Variants in TSKS observed in about 807,000 individuals in gnomAD.
TSKS encodes testis specific serine kinase substrate.
Under a neutral mutation model 68.0 loss-of-function variants are expected in TSKS, and 27 were observed. That is an observed-to-expected ratio of 0.40 (90% CI 0.29 to 0.55). The LOEUF (loss-of-function observed/expected upper bound fraction) is 0.55, where lower values mean the gene tolerates loss of function less well. Ranked by LOEUF, TSKS falls within the 20% of genes least tolerant of loss-of-function variation. The pLI, the probability that TSKS is intolerant of heterozygous loss-of-function variation, is 0.53. For synonymous variants in TSKS, 331 were observed against 340.4 expected (o/e 0.97, Z 0.30); for missense variants, 806 against 776.0 (o/e 1.04, Z -0.46).
chr19:49,753,275 A>G (rs1038099654), intron 2 of TSKS, among the ~76,000 whole-genome samples: 6 of 152,080 alleles, frequency 3.9e-5, no homozygotes, highest in African/African-American at 1.4e-4. Flanking sequence ...AAATAGTAAT[A>G]AAATAGGCCG....
rs539115443 is a variant in TSKS at position 49,751,834 on chromosome 19, A to G, written c.400-3365T>C. Among the ~76,000 whole-genome samples, 3 of 141,986 alleles carry G rather than the reference A, an allele frequency of 2.1e-5. No homozygotes were observed. In the East Asian group the frequency reaches 6.6e-4, roughly 31 times the overall value. The allele number at this position is 141,986 out of a possible 152,430, so 93.1% of individuals were successfully genotyped here. A position where few individuals can be genotyped will look rare whatever the true frequency, so the allele number is the denominator to read the frequency against. ...TCCCAGCACTTTGGGAGGCTGAGGC[A>G]GGAGGTTCACTTGAGCTCAGGAGTT... On this transcript the variant is annotated intron_variant, in intron 2 of 10. Coordinates refer to ENST00000246801, the MANE Select transcript of TSKS (RefSeq NM_021733.2).
chr19:49,740,540 A>G (rs1364450402), intron 9 of TSKS, among the ~76,000 whole-genome samples: 1 of 152,174 alleles, frequency 6.6e-6, no homozygotes, highest in South Asian at 2.1e-4. Context: ...CCTACATTCC[A>G]TAATTTGGAA....
chr19:49,745,854 C>G (rs933822313), intron 6 of TSKS, among the ~76,000 whole-genome samples: 3 of 152,220 alleles, frequency 2.0e-5, no homozygotes, highest in Non-Finnish European at 4.4e-5. Context: ...GGCACTCCCT[C>G]CTCTGCTCTT....
In TSKS at chr19:49,759,330, G is replaced by A. The variant is rs192689010; in HGVS notation, c.399+2674C>T. On this transcript the variant is annotated intron_variant, in intron 2 of 10. Transcript: ENST00000246801. ...CTAAAAATACAAAAATTAGCCGGGC[G>A]TGGTGGCACACACCTGTAGTCCCAG... 3.2e-3 allele frequency among the ~76,000 whole-genome samples: 484 copies of A among 151,792 alleles called. 11 individuals carry two copies. The highest frequency in any genetic ancestry group is 0.022 in the Admixed American group (343 of 15,264).
At chr19:49,747,235 C>A in intron 5 of TSKS, 154 bp downstream of exon 5, 3 of 1,544,578 alleles carry the variant, frequency 1.9e-6, no homozygotes, top group Non-Finnish European at 2.6e-6. Flanking sequence ...TCATTTGAAT[C>A]CCTCTTATCA....
In TSKS at chr19:49,744,272, G is replaced by A. The variant is rs1250586863; in HGVS notation, c.1320C>T (p.Asn440=). 6.2e-7 allele frequency: 1 copy of A among 1,614,072 alleles called. No individual in the cohort carries two copies. The highest frequency in any genetic ancestry group is 1.3e-5 in the African/African-American group (1 of 75,042). ...AGTTGCCTTGGTGGGACCGATCCAG[G>A]TTCATGGAGAGGTCAGGCCCTCTTC... ...NSRRGPDLSM[N]LDRSHQGNCA... Residue 440 remains asparagine, a synonymous_variant, in exon 8 of 11, where the codon AAC becomes AAT. Transcript: ENST00000246801.
In TSKS at chr19:49,745,183, C is replaced by T. The variant is rs769796948; in HGVS notation, c.1187+19G>A. Reference sequence around the variant, plus strand: ...CCCTGCCCCTTCCGGTCTTCCCATGCACTGGCCCCAATCCTCACATGGTGC... The same window carrying T: ...CCCTGCCCCTTCCGGTCTTCCCATGTACTGGCCCCAATCCTCACATGGTGC... On this transcript the variant is annotated intron_variant, in intron 7 of 10. Coordinates refer to ENST00000246801, the MANE Select transcript of TSKS (RefSeq NM_021733.2). 11 of 1,560,290 alleles carry T rather than the reference C, an allele frequency of 7.0e-6. No homozygotes were observed. Among genetic ancestry groups the T allele is most frequent in the African/African-American group, 4.1e-5 (3 of 73,906 alleles).
intron 6 of TSKS, 95 bp from the exon 7 acceptor site, chr19:49,745,491 G>A (rs993011331): frequency 2.0e-5 from 22 of 1,078,120 alleles, no homozygotes; most frequent in African/African-American, 6.4e-5. Flanking sequence ...CACCTATCTC[G>A]CCCCACTGAG....
chr19:49,747,234 T>C, intron 5 of TSKS, 155 bp downstream of exon 5: 2 of 1,544,338 alleles, frequency 1.3e-6, no homozygotes, highest in South Asian at 1.2e-5. Flanking sequence ...CTCATTTGAA[T>C]CCCTCTTATC....
In TSKS at chr19:49,747,371, C is replaced by G. The variant is rs758958631; in HGVS notation, c.663+18G>C. The G allele has an allele frequency of 2.5e-6, 4 of 1,614,142 alleles. No homozygotes were observed. Among genetic ancestry groups the G allele is most frequent in the Non-Finnish European group, 3.4e-6 (4 of 1,180,012 alleles). Reference sequence around the variant, plus strand: ...TGACCTCCTCCCACAAATCCTGGGACTGCCCCCTAGCCCTTACCTCCAGCA... The same window carrying G: ...TGACCTCCTCCCACAAATCCTGGGAGTGCCCCCTAGCCCTTACCTCCAGCA... On this transcript the variant is annotated intron_variant, in intron 5 of 10. Coordinates refer to ENST00000246801, the MANE Select transcript of TSKS (RefSeq NM_021733.2).
At chr19:49,757,665 C>G (rs1006823048) in intron 2 of TSKS, among the ~76,000 whole-genome samples, 7 of 152,132 alleles carry the variant, frequency 4.6e-5, no homozygotes, top group African/African-American at 1.2e-4. Context: ...AACTGACACT[C>G]TCTCAACCAG....
At chr19:49,743,238 C>G (rs973532901) in intron 8 of TSKS, among the ~76,000 whole-genome samples, 2 of 151,772 alleles carry the variant, frequency 1.3e-5, no homozygotes, top group Non-Finnish European at 2.9e-5. Flanking sequence ...ACCACCACAC[C>G]CAGCTAATTT....
intron 2 of TSKS, among the ~76,000 whole-genome samples, chr19:49,752,569 G>A (rs1284414315): frequency 6.6e-6 from 1 of 152,114 alleles, no homozygotes; most frequent in African/African-American, 2.4e-5. Flanking sequence ...ACCCAGCCTT[G>A]AGTATTCCTT....
intron 2 of TSKS, among the ~76,000 whole-genome samples, chr19:49,758,178 CCCCTCTCTCTCTCTGGGTCTCTGTCT>C (rs1364418652): frequency 2.0e-5 from 3 of 151,154 alleles, no homozygotes; most frequent in Non-Finnish European, 3.0e-5. Flanking sequence ...GGTCTCTGTT[CCCCTCTCTCTCTCTGGGTCTCTGTCT>C]CCCTCTCTCT....
chr19:49,739,876 T>C lies in TSKS; in HGVS notation c.1679A>G (p.His560Arg). ...CCCCTCAAGTGGCAGGTTGCTGAGA[T>C]GATCGTGGAGGGAGCACATCTTCAA... is the stretch of plus-strand genomic sequence containing the variant. ...LHLKMCSLHD[H>R]LSNLPLEGST... The change falls in exon 11 of 11, where the codon CAT (histidine) becomes CGT (arginine). Residue 560 changes from histidine to arginine, a missense_variant. His to Arg is a conservative substitution (Grantham distance 29). Transcript: ENST00000246801. 1.2e-6 allele frequency: 2 copies of C among 1,614,126 alleles called. No homozygotes were observed. Among genetic ancestry groups the C allele is most frequent in the Non-Finnish European group, 1.7e-6 (2 of 1,180,004 alleles).
At chr19:49,760,542 G>A (rs2123632805) in intron 2 of TSKS, among the ~76,000 whole-genome samples, 1 of 151,946 alleles carries the variant, frequency 6.6e-6, no homozygotes, top group East Asian at 1.9e-4. Flanking sequence ...TCACCATATT[G>A]GCCAGACTGG....
At chr19:49,743,144 T>C (rs1383674677) in intron 8 of TSKS, among the ~76,000 whole-genome samples, 1 of 151,434 alleles carries the variant, frequency 6.6e-6, no homozygotes, top group Non-Finnish European at 1.5e-5. Flanking sequence ...AATGGCACGA[T>C]CTTGGCTCAC....
intron 5 of TSKS, chr19:49,747,151 A>C (rs775706279): frequency 3.3e-6 from 5 of 1,536,050 alleles, no homozygotes; most frequent in East Asian, 2.4e-5. Context: ...TCTCACCTGA[A>C]GTCCAGCTCG....
chr19:49,743,425 C>T lies in TSKS; in HGVS notation c.1361+806G>A, dbSNP rs896922302. ...TTGAGACACAGTTTCACTCTACCTA[C>T]TAGGCTGGAGTGCAGTAGCGTGATC... On this transcript the variant is annotated intron_variant, in intron 8 of 10. Coordinates refer to ENST00000246801, the MANE Select transcript of TSKS (RefSeq NM_021733.2). 3.3e-5 allele frequency among the ~76,000 whole-genome samples: 5 copies of T among 151,446 alleles called. No individual in the cohort carries two copies. In the East Asian group the frequency reaches 7.8e-4, roughly 23 times the overall value.
Sources: gnomAD v4.1 joint callset for allele counts (sites outside exome capture counted in the v4.1 genomes callset) on GRCh38, gnomAD v4.1.1 for gene constraint, MANE v1.5 for transcripts, NCBI Gene and HGNC (gene_info 2026-07-23, HGNC 2026-07-21) for gene names.